Variants in GRIA1 observed in about 807,000 individuals in gnomAD.
GRIA1 encodes glutamate receptor 1.
GRIA1 carries 31 observed loss-of-function variants against 99.2 expected under a neutral mutation model. The observed-to-expected ratio is 0.31, with a 90% CI of 0.23 to 0.42. The LOEUF is 0.42. Ranked by LOEUF, GRIA1 falls within the 10% of genes least tolerant of loss-of-function variation. The pLI is 1.00. For missense variants in GRIA1, 782 were observed against 1,157.5 expected (o/e 0.68, Z 4.71); for synonymous variants, 438 against 432.4 (o/e 1.01, Z -0.16).
At chr5:153,509,682 T>C (rs1755871583) in intron 2 of GRIA1, among the ~76,000 whole-genome samples, 1 of 152,234 alleles carries the variant, frequency 6.6e-6, no homozygotes, top group African/African-American at 2.4e-5. Flanking sequence ...ATCTTTATAA[T>C]TGACTTAACC....
At chr5:153,507,374 C>T (rs540446362) in intron 2 of GRIA1, among the ~76,000 whole-genome samples, 3 of 151,900 alleles carry the variant, frequency 2.0e-5, no homozygotes, top group Non-Finnish European at 4.4e-5. Flanking sequence ...CACAGGGGTC[C>T]TCTCTCACTC....
intron 2 of GRIA1, among the ~76,000 whole-genome samples, chr5:153,536,985 A>T (rs1349155931): frequency 1.3e-5 from 2 of 152,194 alleles, no homozygotes; most frequent in South Asian, 4.1e-4. Context: ...TCTGGGCCTC[A>T]GTTTCCTCAA....
chr5:153,810,975 G>A, intron 15 of GRIA1, 50 bp from the exon 16 acceptor site: 2 of 1,320,738 alleles, frequency 1.5e-6, no homozygotes, highest in Non-Finnish European at 2.2e-6. Context: ...CATTCCCATT[G>A]CCTGTCATTG....
intron 3 of GRIA1, among the ~76,000 whole-genome samples, chr5:153,648,298 G>A (rs1414587642): frequency 2.0e-5 from 3 of 152,144 alleles, no homozygotes; most frequent in Non-Finnish European, 4.4e-5. Context: ...GGGGTCACCT[G>A]GAAGTCTATT....
chr5:153,729,110 C>T (rs1760808772), intron 11 of GRIA1, among the ~76,000 whole-genome samples: 1 of 150,394 alleles, frequency 6.6e-6, no homozygotes, highest in Admixed American at 6.6e-5. Context: ...TGGAAATCAT[C>T]ATTCTCAGTA....
intron 2 of GRIA1, among the ~76,000 whole-genome samples, chr5:153,497,572 G>A (rs1274685212): frequency 6.6e-6 from 1 of 152,142 alleles, no homozygotes; most frequent in African/African-American, 2.4e-5. Flanking sequence ...ACAAACTTCA[G>A]TGCACTTAAA....
At chr5:153,497,795 T>C (rs371515782) in intron 2 of GRIA1, among the ~76,000 whole-genome samples, 27 of 152,198 alleles carry the variant, frequency 1.8e-4, no homozygotes, top group African/African-American at 6.0e-4. Context: ...GTGCTACAAA[T>C]GCAGACAACA....
intron 2 of GRIA1, among the ~76,000 whole-genome samples, chr5:153,533,866 A>G (rs1471616704): frequency 1.3e-5 from 2 of 152,222 alleles, no homozygotes; most frequent in Admixed American, 1.3e-4. Flanking sequence ...CTGAAGTCTA[A>G]TGTCTATTTA....
chr5:153,702,797 A>G (rs1758619857), intron 10 of GRIA1, among the ~76,000 whole-genome samples: 1 of 152,236 alleles, frequency 6.6e-6, no homozygotes, highest in Non-Finnish European at 1.5e-5. Context: ...TCAGTTTAAG[A>G]AAATAATTTT....
chr5:153,774,793 T>C (rs757732218), intron 13 of GRIA1, among the ~76,000 whole-genome samples: 4 of 152,226 alleles, frequency 2.6e-5, no homozygotes, highest in Non-Finnish European at 5.9e-5. Flanking sequence ...CCAAGTCTAC[T>C]TGGCAGAAGC....
intron 2 of GRIA1, among the ~76,000 whole-genome samples, chr5:153,619,448 C>T (rs991467182): frequency 1.9e-4 from 29 of 152,236 alleles, no homozygotes; most frequent in Admixed American, 1.5e-3. Flanking sequence ...TGTAAGGGAA[C>T]TTCAAGAAAG....
intron 2 of GRIA1, among the ~76,000 whole-genome samples, chr5:153,560,013 AT>A (rs1371309939): frequency 6.6e-6 from 1 of 152,106 alleles, no homozygotes; most frequent in Non-Finnish European, 1.5e-5. Flanking sequence ...AGAGGTCATC[AT>A]TTTGAAGACT....
At chr5:153,775,869 G>A (rs1251797030) in intron 13 of GRIA1, among the ~76,000 whole-genome samples, 1 of 151,142 alleles carries the variant, frequency 6.6e-6, no homozygotes, top group African/African-American at 2.4e-5. Flanking sequence ...TCATATTAGG[G>A]GCTGAAGAGG....
chr5:153,687,577 A>C (rs1198568485), intron 8 of GRIA1, among the ~76,000 whole-genome samples: 1 of 152,284 alleles, frequency 6.6e-6, no homozygotes, highest in East Asian at 1.9e-4. Context: ...ATTTTAAATA[A>C]ATTCCAATTT....
At chr5:153,706,128 G>C (rs1315574442) in intron 11 of GRIA1, 61 bp downstream of exon 11, 2 of 1,503,954 alleles carry the variant, frequency 1.3e-6, no homozygotes, top group South Asian at 2.3e-5. Context: ...TTGTTTGTTT[G>C]TTTGTTTTTT....
chr5:153,513,578 C>T (rs913355533), intron 2 of GRIA1, among the ~76,000 whole-genome samples: 1 of 152,140 alleles, frequency 6.6e-6, no homozygotes, highest in East Asian at 1.9e-4. Flanking sequence ...ATAGGAGAAT[C>T]GGGCTTAAAC....
At chr5:153,508,837 A>G (rs1373465925) in intron 2 of GRIA1, among the ~76,000 whole-genome samples, 1 of 147,298 alleles carries the variant, frequency 6.8e-6, no homozygotes, top group African/African-American at 2.6e-5. Context: ...TAGGTCAACC[A>G]TGATTCTGAT....
At chr5:153,681,670 C>T (rs918277511) in intron 7 of GRIA1, among the ~76,000 whole-genome samples, 1 of 152,088 alleles carries the variant, frequency 6.6e-6, no homozygotes, top group African/African-American at 2.4e-5. Context: ...TTCCTGTCTG[C>T]TAAACAGACA....
intron 2 of GRIA1, among the ~76,000 whole-genome samples, chr5:153,637,463 C>T (rs144602819): frequency 3.6e-4 from 55 of 152,292 alleles, no homozygotes; most frequent in Admixed American, 7.8e-4. Flanking sequence ...ACAGCATACA[C>T]GTTGAGTCAC....
Sources: allele counts gnomAD v4.1 joint callset (sites outside exome capture counted in the v4.1 genomes callset), GRCh38; gene constraint gnomAD v4.1.1; transcripts MANE v1.5; gene names NCBI Gene and HGNC (gene_info 2026-07-23, HGNC 2026-07-21).